PHF14: variants seen among roughly 807,000 people sequenced by gnomAD.
PHF14 encodes PHD finger protein 14.
A neutral mutation model predicts 117.9 loss-of-function variants in PHF14; 55 were observed. The observed-to-expected ratio is 0.47, with a 90% CI of 0.38 to 0.58. The LOEUF is 0.58. Ranked by LOEUF, PHF14 falls within the 20% of genes least tolerant of loss-of-function variation. The probability of loss-of-function intolerance (pLI) is 0.00; values close to 1 mark genes in which losing one functional copy is unlikely to be tolerated. For synonymous variants in PHF14, 409 were observed against 368.6 expected, an observed-to-expected ratio of 1.11 and a Z score of -1.26; for missense variants, 978 against 1,122.2, an observed-to-expected ratio of 0.87 and a Z score of 1.84.
At chr7:11,093,037 A>G (rs1011687072) in intron 16 of PHF14, among the ~76,000 whole-genome samples, 1 of 152,212 alleles carries the variant, frequency 6.6e-6, no homozygotes, top group African/African-American at 2.4e-5. Context: ...AGTGTGATAC[A>G]GTCCTGCCAA....
chr7:11,066,969 G>A (rs1785442623), intron 16 of PHF14, among the ~76,000 whole-genome samples: 2 of 152,250 alleles, frequency 1.3e-5, no homozygotes, highest in Non-Finnish European at 2.9e-5. Context: ...AGCTAAGTTG[G>A]ACTAAATTCA....
intron 16 of PHF14, chr7:11,102,622 G>T: frequency 6.5e-7 from 1 of 1,544,052 alleles, no homozygotes; most frequent in Non-Finnish European, 8.7e-7. Context: ...CAGCTATATT[G>T]TCCTTTCTAT....
intron 16 of PHF14, among the ~76,000 whole-genome samples, chr7:11,087,833 A>G (rs1185250878): frequency 6.6e-6 from 1 of 152,212 alleles, no homozygotes; most frequent in African/African-American, 2.4e-5. Context: ...GCAATAAGAA[A>G]TAAATAATTT....
intron 17 of PHF14, among the ~76,000 whole-genome samples, chr7:11,145,415 A>G (rs1269493960): frequency 6.6e-6 from 1 of 152,110 alleles, no homozygotes; most frequent in Non-Finnish European, 1.5e-5. Context: ...TCACTGTGCT[A>G]TAATTATTGT....
At chr7:11,120,644 GCTATC>G (rs918908981) in intron 17 of PHF14, among the ~76,000 whole-genome samples, 2 of 151,802 alleles carry the variant, frequency 1.3e-5, no homozygotes, top group African/African-American at 4.8e-5. Flanking sequence ...TAAAGTATAT[GCTATC>G]CTATCAGATT....
chr7:11,025,834 G>A (rs1305647879), intron 6 of PHF14, among the ~76,000 whole-genome samples: 1 of 151,942 alleles, frequency 6.6e-6, no homozygotes, highest in East Asian at 1.9e-4. Context: ...TTGCCAGGCT[G>A]GGTGCGGTGG....
At chr7:10,979,604 GA>G (rs1457884050) in intron 2 of PHF14, among the ~76,000 whole-genome samples, 1 of 148,496 alleles carries the variant, frequency 6.7e-6, no homozygotes, top group Non-Finnish European at 1.5e-5. Flanking sequence ...TGATGACTAG[GA>G]AATTTTGTCT....
At chr7:11,052,295 C>A (rs899259738) in intron 14 of PHF14, among the ~76,000 whole-genome samples, 10 of 152,278 alleles carry the variant, frequency 6.6e-5, no homozygotes, top group Non-Finnish European at 1.2e-4. Context: ...TTGATTCAGA[C>A]ATGCTGATCC....
intron 13 of PHF14, 74 bp from the exon 14 acceptor site, chr7:11,051,538 G>C (rs905800635): frequency 9.2e-6 from 11 of 1,201,718 alleles, no homozygotes; most frequent in Non-Finnish European, 1.3e-5. Context: ...CCTGGATTTT[G>C]TATTTATAAA....
chr7:11,006,439 T>A lies in PHF14; in HGVS notation c.1046-7308T>A, dbSNP rs1583355922. 4 of 531,222 alleles carry A rather than the reference T, an allele frequency of 7.5e-6. No homozygotes were observed. The East Asian group carries it at 2.0e-4, about 27-fold the overall frequency. 32.9% of individuals were successfully genotyped at this position (531,222 alleles called of 1,614,324 possible). A position where few individuals can be genotyped will look rare whatever the true frequency, so the allele number is the denominator to read the frequency against. ...TTTGTTGGCAAGATTCAAAGCATTG[T>A]AATCAGGAGCCAGTCGAACATATGC... On this transcript the variant is annotated intron_variant, in intron 4 of 17. Transcript: ENST00000634607.
At chr7:11,168,718 A>C (rs1789282400) in intron 17 of PHF14, among the ~76,000 whole-genome samples, 2 of 152,286 alleles carry the variant, frequency 1.3e-5, no homozygotes, top group South Asian at 4.1e-4. Context: ...GTATGATGAG[A>C]TGGGTTACAA....
intron 14 of PHF14, 42 bp downstream of exon 14, chr7:11,051,822 A>C (rs1784858905): frequency 6.4e-7 from 1 of 1,550,928 alleles, no homozygotes. Context: ...TACAATTCTG[A>C]GGCCAAAATT....
At chr7:11,124,698 C>G (rs1366473917) in intron 17 of PHF14, among the ~76,000 whole-genome samples, 1 of 151,986 alleles carries the variant, frequency 6.6e-6, no homozygotes, top group Non-Finnish European at 1.5e-5. Context: ...AAACCCAGAT[C>G]TCCCTGACTC....
chr7:11,016,891 C>G (rs186871691), intron 5 of PHF14, among the ~76,000 whole-genome samples: 44 of 152,216 alleles, frequency 2.9e-4, no homozygotes, highest in Non-Finnish European at 5.6e-4. Context: ...CCATTTCACC[C>G]TTTCCCTGCA....
At position 11,058,266 on chromosome 7, in the gene PHF14, A is replaced by G. The variant is rs575817340; in HGVS notation, c.2482-3525A>G. 2.0e-5 allele frequency among the ~76,000 whole-genome samples: 3 copies of G among 152,080 alleles called. No individual in the cohort carries two copies. The East Asian group carries it at 5.8e-4, about 29-fold the overall frequency. Reference sequence around the variant, plus strand: ...TTCGTTTTTCTTGCTTTTTTGTACCATTTCTCCCTCTTTTAAATTCTACTT... The same window carrying G: ...TTCGTTTTTCTTGCTTTTTTGTACCGTTTCTCCCTCTTTTAAATTCTACTT... On this transcript the variant is annotated intron_variant, in intron 14 of 17. Transcript: ENST00000634607.
intron 17 of PHF14, among the ~76,000 whole-genome samples, chr7:11,156,805 AAAAAG>A (rs1454774997): frequency 2.6e-5 from 4 of 152,144 alleles, no homozygotes; most frequent in Non-Finnish European, 4.4e-5. Context: ...AAAAAACAGA[AAAAAG>A]AAAAGAAATT....
At chr7:11,047,642 C>G (rs535394856) in intron 13 of PHF14, among the ~76,000 whole-genome samples, 1 of 150,522 alleles carries the variant, frequency 6.6e-6, no homozygotes, top group South Asian at 2.1e-4. Context: ...CAAAAATTAG[C>G]TAGGAATGGT....
chr7:11,113,618 C>T (rs996393729), intron 17 of PHF14, among the ~76,000 whole-genome samples: 4 of 152,012 alleles, frequency 2.6e-5, no homozygotes, highest in African/African-American at 9.7e-5. Flanking sequence ...CTACCATTTT[C>T]CAATGAAAAA....
intron 17 of PHF14, among the ~76,000 whole-genome samples, chr7:11,119,178 T>C (rs1787682260): frequency 6.6e-6 from 1 of 151,906 alleles, no homozygotes; most frequent in Non-Finnish European, 1.5e-5. Flanking sequence ...GCCATACATA[T>C]AAATGTCTTT....
Sources: allele counts gnomAD v4.1 joint callset (sites outside exome capture counted in the v4.1 genomes callset), GRCh38; gene constraint gnomAD v4.1.1; transcripts MANE v1.5; gene names NCBI Gene and HGNC (gene_info 2026-07-23, HGNC 2026-07-21).